WBP4: variants seen among roughly 807,000 people sequenced by gnomAD.
WBP4 encodes the protein WW domain binding protein 4.
In WBP4, 37 loss-of-function variants were observed where a neutral mutation model predicts 55.4. The ratio of observed to expected loss-of-function variants is 0.67; its 90% CI spans 0.51 to 0.88. The LOEUF (loss-of-function observed/expected upper bound fraction) is 0.88. Among genes scored for constraint, WBP4 ranks in the 40% least tolerant of loss-of-function variants. The pLI, the probability that WBP4 is intolerant of heterozygous loss-of-function variation, is 0.00. For synonymous variants in WBP4, 142 were observed against 140.2 expected (o/e 1.01, Z -0.09); for missense variants, 398 against 420.8 (o/e 0.95, Z 0.47).
rs1422102109 is a variant in WBP4 at position 41,062,723 on chromosome 13, T to C, written c.75+7T>C. On this transcript the variant is annotated splice_region_variant and intron_variant, in intron 2 of 9. Transcript: ENST00000379487. ...GATAGCAGACAATAGGCCTGTATGATAATTCCGCTGTTAGAGATTCTAATA... is the reference window on the plus strand; with the variant it reads ...GATAGCAGACAATAGGCCTGTATGACAATTCCGCTGTTAGAGATTCTAATA... 4 of 1,602,240 alleles carry C rather than the reference T, an allele frequency of 2.5e-6. No individual in the cohort carries two copies. The highest frequency in any genetic ancestry group is 3.4e-6 in the Non-Finnish European group (4 of 1,173,642).
chr13:41,066,645 C>T (rs1347062950), intron 4 of WBP4, among the ~76,000 whole-genome samples: 1 of 152,198 alleles, frequency 6.6e-6, no homozygotes, highest in African/African-American at 2.4e-5. Context: ...TACGTGACCA[C>T]ACATAACAAA....
intron 5 of WBP4, among the ~76,000 whole-genome samples, chr13:41,069,804 G>A (rs567418193): frequency 3.3e-5 from 5 of 151,016 alleles, no homozygotes; most frequent in Admixed American, 1.3e-4. Flanking sequence ...ATTGAACCCA[G>A]GAGATGGAGT....
At chr13:41,080,916 T>C in intron 9 of WBP4, 107 bp downstream of exon 9, 2 of 1,274,824 alleles carry the variant, frequency 1.6e-6, no homozygotes, top group Non-Finnish European at 2.2e-6. Flanking sequence ...TTATTAAAAG[T>C]ATAGCTTGAG....
rs1878849520 is a variant in WBP4 at position 41,082,950 on chromosome 13, G to A, written c.*36G>A. On this transcript the variant is annotated 3_prime_UTR_variant, in exon 10 of 10. Transcript: ENST00000379487. ...GCTTTTTGTACATGCTTTTAGGACA[G>A]AATGGAGACTTATACACCCAAAGTT... 6.3e-7 allele frequency: 1 copy of A among 1,597,716 alleles called. No homozygotes were observed. The highest frequency in any genetic ancestry group is 8.6e-7 in the Non-Finnish European group (1 of 1,168,062).
intron 5 of WBP4, 70 bp downstream of exon 5, chr13:41,068,807 T>G: frequency 7.2e-7 from 1 of 1,394,034 alleles, no homozygotes; most frequent in Non-Finnish European, 9.4e-7. Context: ...TATTTTATGT[T>G]AGGATTTTTA....
At chr13:41,068,767 G>C (rs1484847449) in intron 5 of WBP4, 30 bp downstream of exon 5, 2 of 1,527,972 alleles carry the variant, frequency 1.3e-6, no homozygotes, top group Admixed American at 4.1e-5. Flanking sequence ...AACTGGTAAA[G>C]AACAGTGTCA....
chr13:41,082,571 G>T (rs1328986637), intron 9 of WBP4, 133 bp from the exon 10 acceptor site: 5 of 679,586 alleles, frequency 7.4e-6, no homozygotes, highest in Non-Finnish European at 9.9e-6. Flanking sequence ...TGTAAAGTCA[G>T]TATTTTAAAG....
In WBP4 at chr13:41,072,680, C is replaced by G. The variant is rs902802487; in HGVS notation, c.487-102C>G. 3 of 907,294 alleles carry G rather than the reference C, an allele frequency of 3.3e-6. No individual in the cohort carries two copies. The South Asian group carries it at 4.7e-5, about 14-fold the overall frequency. 56.2% of individuals were successfully genotyped at this position (907,294 alleles called of 1,614,324 possible). A position where few individuals can be genotyped will look rare whatever the true frequency, so the allele number is the denominator to read the frequency against. On this transcript the variant is annotated intron_variant, in intron 6 of 9. Coordinates refer to ENST00000379487, the MANE Select transcript of WBP4 (RefSeq NM_007187.5). ...GGGGATGCAGATCGAGATGATATCA[C>G]CAGGTGTCAGGAGGAGAGGCAAGGG...
At chr13:41,072,909 C>A in intron 7 of WBP4, 52 bp downstream of exon 7, 1 of 1,420,310 alleles carries the variant, frequency 7.0e-7, no homozygotes, top group Non-Finnish European at 9.8e-7. Flanking sequence ...CCTGGAACTG[C>A]TTATTGGCCT....
rs770196823 is a variant in WBP4 at position 41,072,832 on chromosome 13, C to T, written c.537C>T (p.Thr179=). Residue 179 remains threonine (T), a synonymous_variant, in exon 7 of 10, where the codon ACC becomes ACT. Coordinates refer to ENST00000379487, the MANE Select transcript of WBP4 (RefSeq NM_007187.5). ...WVEGLSEDGF[T]YYYNTETGES... is the part of the protein sequence containing the mutation. ...AAGGTTTAAGTGAAGATGGTTTTACCTATTACTATAATACAGAAACAGGAG... is the reference window on the plus strand; with the variant it reads ...AAGGTTTAAGTGAAGATGGTTTTACTTATTACTATAATACAGAAACAGGAG... The T allele has an allele frequency of 2.5e-6, 4 of 1,613,312 alleles. No homozygotes were observed. The highest frequency in any genetic ancestry group is 3.4e-6 in the Non-Finnish European group (4 of 1,179,614).
At position 41,062,258 on chromosome 13, in the gene WBP4, T is replaced by C. The variant is rs1037333167; in HGVS notation, c.3-386T>C. The stretch of plus-strand genomic sequence containing the variant: ...GTAGTCTTGTACGTTGTTCTCTTGG[T>C]GGGAATAACTTGATTTAAGGCAAAC... On this transcript the variant is annotated intron_variant, in intron 1 of 9. Coordinates refer to ENST00000379487, the MANE Select transcript of WBP4 (RefSeq NM_007187.5). 11 of 985,030 alleles carry C rather than the reference T, an allele frequency of 1.1e-5. No individual in the cohort carries two copies. In the African/African-American group the frequency reaches 1.8e-4, roughly 16 times the overall value. The allele number at this position is 985,030 out of a possible 1,614,324, so 61.0% of individuals were successfully genotyped here.
At chr13:41,071,867 C>A (rs1022450325) in intron 6 of WBP4, among the ~76,000 whole-genome samples, 1 of 151,656 alleles carries the variant, frequency 6.6e-6, no homozygotes, top group Non-Finnish European at 1.5e-5. Flanking sequence ...ATGGTGAAAC[C>A]CTATCTCTCC....
At chr13:41,079,568 AAAC>A (rs1385115049) in intron 8 of WBP4, among the ~76,000 whole-genome samples, 2 of 151,220 alleles carry the variant, frequency 1.3e-5, no homozygotes, top group Admixed American at 6.6e-5. Context: ...AAAAATCAGA[AAAC>A]AACAGATACT....
chr13:41,064,831 TAAAC>T (rs1464858888), intron 2 of WBP4, among the ~76,000 whole-genome samples, 181 bp from the exon 3 acceptor site: 5 of 152,268 alleles, frequency 3.3e-5, no homozygotes, highest in Non-Finnish European at 5.9e-5. Flanking sequence ...GACATAATAA[TAAAC>T]AATGTAGTTC....
intron 1 of WBP4, among the ~76,000 whole-genome samples, chr13:41,061,918 A>AG (rs1877669500): frequency 2.0e-5 from 3 of 151,644 alleles, no homozygotes; most frequent in Admixed American, 2.0e-4. Flanking sequence ...CGGCCGGTTC[A>AG]GGGGGCTGGT....
chr13:41,066,448 G>T (rs1241667901), intron 4 of WBP4, among the ~76,000 whole-genome samples: 1 of 151,986 alleles, frequency 6.6e-6, no homozygotes, highest in African/African-American at 2.4e-5. Flanking sequence ...TTGTGCTGCG[G>T]TCTATTTGCC....
chr13:41,080,318 T>G (rs1426666665), intron 8 of WBP4, among the ~76,000 whole-genome samples: 2 of 152,116 alleles, frequency 1.3e-5, no homozygotes, highest in African/African-American at 4.8e-5. Flanking sequence ...GAGCCACAAT[T>G]ATAAAGGGAG....
chr13:41,068,469 GTTTTTGA>G, intron 4 of WBP4, 85 bp from the exon 5 acceptor site: 1 of 1,249,438 alleles, frequency 8.0e-7, no homozygotes, highest in Non-Finnish European at 1.1e-6. Flanking sequence ...ACCTTATCAG[GTTTTTGA>G]TTGGAATAAC....
chr13:41,079,112 C>G (rs767038421), intron 8 of WBP4, among the ~76,000 whole-genome samples: 1 of 152,132 alleles, frequency 6.6e-6, no homozygotes, highest in South Asian at 2.1e-4. Flanking sequence ...AAGAAAAAAA[C>G]AACTCCATTG....
Sources: allele counts gnomAD v4.1 joint callset (sites outside exome capture counted in the v4.1 genomes callset), GRCh38; gene constraint gnomAD v4.1.1; transcripts MANE v1.5; gene names NCBI Gene and HGNC (gene_info 2026-07-23, HGNC 2026-07-21).